Variants in ZNF235 observed in about 807,000 individuals in gnomAD.
The protein encoded by ZNF235 is zfp-93.
A neutral mutation model predicts 29.4 loss-of-function variants in ZNF235; 25 were observed. That is an observed-to-expected ratio of 0.85 (90% CI 0.62 to 1.19). ZNF235 has a LOEUF of 1.19. ZNF235 is among the 50% of genes most tolerant of loss of function. ZNF235 has a pLI of 0.00. For missense variants in ZNF235, 788 were observed against 885.0 expected (o/e 0.89, Z 1.39); for synonymous variants, 300 against 295.3 (o/e 1.02, Z -0.16).
Position 44,303,399 on chromosome 19 carries a change from G to A in ZNF235, c.6C>T (p.Thr2=). M[T]KFQEAVTFKD... is the part of the protein sequence containing the mutation. ...GGCAAACCAAACTTACCTGGAACTT[G>A]GTCATTTTTCCCCTCCTCCTTCTGG... Residue 2 remains threonine (T), a synonymous_variant, in exon 2 of 5, where the codon ACC becomes ACT. Coordinates refer to ENST00000291182, the MANE Select transcript of ZNF235 (RefSeq NM_004234.4). The A allele has an allele frequency of 1.2e-6, 2 of 1,611,304 alleles. No individual in the cohort carries two copies. Among genetic ancestry groups the A allele is most frequent in the Non-Finnish European group, 1.7e-6 (2 of 1,178,406 alleles).
In ZNF235 at chr19:44,288,008, C is replaced by T. The variant is rs1434848039; in HGVS notation, c.1427G>A (p.Ser476Asn). The change falls in exon 5 of 5, where the codon AGT becomes AAT. Residue 476 changes from serine to asparagine, a missense_variant. By Grantham distance (46) the Ser-to-Asn change is conservative (BLOSUM62 1). Coordinates refer to ENST00000291182, the MANE Select transcript of ZNF235 (RefSeq NM_004234.4). Reference sequence around the variant, plus strand: ...TTCTCCTGTGTGGACTCGTTGATGACTATGAAGATTAAAGCTCAAACTAAA... The same window carrying T: ...TTCTCCTGTGTGGACTCGTTGATGATTATGAAGATTAAAGCTCAAACTAAA... The part of the protein sequence containing the change: ...KCFSLSFNLH[S>N]HQRVHTGEKP... 1 of 1,613,104 alleles carries T rather than the reference C, an allele frequency of 6.2e-7. No homozygotes were observed. Among genetic ancestry groups the T allele is most frequent in the African/African-American group, 1.3e-5 (1 of 74,592 alleles).
At chr19:44,293,228 AGC>A (rs1975608503) in intron 4 of ZNF235, among the ~76,000 whole-genome samples, 1 of 152,162 alleles carries the variant, frequency 6.6e-6, no homozygotes, top group Non-Finnish European at 1.5e-5. Context: ...CTGAAGGTAA[AGC>A]GGTAGAAAAA....
intron 1 of ZNF235, among the ~76,000 whole-genome samples, chr19:44,304,254 C>G (rs983489019): frequency 6.6e-6 from 1 of 152,176 alleles, no homozygotes; most frequent in Non-Finnish European, 1.5e-5. Context: ...GTTAACCACA[C>G]GGGATTATTG....
chr19:44,294,450 C>T (rs1975626567), intron 4 of ZNF235, among the ~76,000 whole-genome samples: 2 of 151,900 alleles, frequency 1.3e-5, no homozygotes, highest in South Asian at 4.2e-4. Flanking sequence ...AACAAAAAAG[C>T]CCAGGACCAG....
chr19:44,288,615 C>CA lies in ZNF235; in HGVS notation c.819dup (p.Asp274Ter). On this transcript the variant is annotated frameshift_variant, in exon 5 of 5. Coordinates refer to ENST00000291182, the MANE Select transcript of ZNF235 (RefSeq NM_004234.4). LOFTEE classifies it low-confidence loss of function (END_TRUNC). ...TTATGAAGTTCAAGACTGGAGCTATCATTGAAGGCTTCTTCACATTCATTA... is the reference window on the plus strand; with the variant it reads ...TTATGAAGTTCAAGACTGGAGCTATCAATTGAAGGCTTCTTCACATTCATTA... The CA allele has an allele frequency of 3.1e-6, 5 of 1,614,030 alleles. No homozygotes were observed. Among genetic ancestry groups the CA allele is most frequent in the Non-Finnish European group, 4.2e-6 (5 of 1,179,966 alleles).
intron 4 of ZNF235, chr19:44,297,389 C>T (rs528686923): frequency 1.3e-5 from 2 of 154,838 alleles, no homozygotes; most frequent in South Asian, 1.8e-4. Context: ...GAGGACCCTC[C>T]CCAGTGGCTC....
chr19:44,300,082 C>A lies in ZNF235; in HGVS notation c.16-350G>T, dbSNP rs570339844. The stretch of plus-strand genomic sequence containing the variant: ...CTCTGGCACAAGTACGCAGTTCACT[C>A]TCTGGGTTCTCAGGAACATGCTGTC... On this transcript the variant is annotated intron_variant, in intron 2 of 4. Coordinates refer to ENST00000291182, the MANE Select transcript of ZNF235 (RefSeq NM_004234.4). 2.6e-5 allele frequency among the ~76,000 whole-genome samples: 4 copies of A among 152,330 alleles called. No homozygotes were observed. The South Asian group carries it at 8.3e-4, about 32-fold the overall frequency.
Position 44,288,935 on chromosome 19 carries a change from C to T in ZNF235, c.500G>A (p.Ser167Asn), listed in dbSNP as rs777652399. 12 of 1,614,030 alleles carry T rather than the reference C, an allele frequency of 7.4e-6. No homozygotes were observed. Among genetic ancestry groups the T allele is most frequent in the Non-Finnish European group, 9.3e-6 (11 of 1,179,984 alleles). Residue 167 changes from serine (S) to asparagine (N), a missense_variant, in exon 5 of 5, where the codon AGT (serine) becomes AAT (asparagine). Ser to Asn is a conservative substitution (Grantham distance 46). Transcript: ENST00000291182. ...CLVNHIGDHS[S>N]IIENQEFPTG... Reference sequence around the variant, plus strand: ...TGGAAATTCTTGATTTTCAATGATACTGGAATGATCCCCTATGTGATTCAC... The same window carrying T: ...TGGAAATTCTTGATTTTCAATGATATTGGAATGATCCCCTATGTGATTCAC...
chr19:44,293,988 T>C (rs1021164121), intron 4 of ZNF235, among the ~76,000 whole-genome samples: 6 of 150,138 alleles, frequency 4.0e-5, no homozygotes, highest in African/African-American at 1.5e-4. Flanking sequence ...AACCTGTGTC[T>C]CACCTCCAGG....
In ZNF235 at chr19:44,287,085, G is replaced by A; in HGVS notation, c.*133C>T. 5.5e-6 allele frequency: 5 copies of A among 915,136 alleles called. No individual in the cohort carries two copies. Among genetic ancestry groups the A allele is most frequent in the Non-Finnish European group, 8.0e-6 (5 of 626,894 alleles). 56.7% of individuals were successfully genotyped at this position (915,136 alleles called of 1,614,324 possible). A position where few individuals can be genotyped will look rare whatever the true frequency, so the allele number is the denominator to read the frequency against. Reference sequence around the variant, plus strand: ...TAACCAAGTCTAAAACACAGCATTTGAGAGACTTCTTTCCTGTCAAGATTC... The same window carrying A: ...TAACCAAGTCTAAAACACAGCATTTAAGAGACTTCTTTCCTGTCAAGATTC... On this transcript the variant is annotated 3_prime_UTR_variant, in exon 5 of 5. Transcript: ENST00000291182.
intron 4 of ZNF235, among the ~76,000 whole-genome samples, chr19:44,296,739 C>T (rs1213898102): frequency 6.6e-6 from 1 of 151,972 alleles, no homozygotes; most frequent in Admixed American, 6.6e-5. Context: ...CTAGGATACA[C>T]CATATGTTAA....
In ZNF235 at chr19:44,299,510, G is replaced by A. The variant is rs537906295; in HGVS notation, c.142+96C>T. Reference sequence around the variant, plus strand: ...GCCACTAAACATCCCAAAATACACAGGATAGCCTGATACAACACAGAATTA... The same window carrying A: ...GCCACTAAACATCCCAAAATACACAAGATAGCCTGATACAACACAGAATTA... On this transcript the variant is annotated intron_variant, in intron 3 of 4. Coordinates refer to ENST00000291182, the MANE Select transcript of ZNF235 (RefSeq NM_004234.4). 4.0e-6 allele frequency: 6 copies of A among 1,516,324 alleles called. No individual in the cohort carries two copies. In the African/African-American group the frequency reaches 6.9e-5, roughly 17 times the overall value. 93.9% of individuals were successfully genotyped at this position (1,516,324 alleles called of 1,614,324 possible).
At chr19:44,303,223 C>T (rs1413485312) in intron 2 of ZNF235, among the ~76,000 whole-genome samples, 167 bp downstream of exon 2, 4 of 148,062 alleles carry the variant, frequency 2.7e-5, no homozygotes, top group Non-Finnish European at 5.9e-5. Flanking sequence ...ATATATCTCT[C>T]TGTTAATTTT....
chr19:44,299,652 C>T lies in ZNF235; in HGVS notation c.96G>A (p.Leu32=), dbSNP rs1446061001. 3.7e-6 allele frequency: 6 copies of T among 1,614,164 alleles called. 1 individual carries two copies. In the South Asian group the frequency reaches 5.5e-5, roughly 15 times the overall value. The change falls in exon 3 of 5, where the codon CTG becomes CTA. Residue 32 remains leucine, a synonymous_variant. Transcript: ENST00000291182. ...AGTTCTCCAGCATCACATCTCGGTA[C>T]AGCTTCCTCTGGGCAGAGTCCAGCA... ...LGLLDSAQRK[L]YRDVMLENFR... is the part of the protein sequence containing the mutation.
intron 1 of ZNF235, among the ~76,000 whole-genome samples, chr19:44,303,970 C>G (rs944518270): frequency 6.6e-6 from 1 of 152,192 alleles, no homozygotes; most frequent in Non-Finnish European, 1.5e-5. Flanking sequence ...GAAAATGAAT[C>G]TTTTAAGAAA....
intron 4 of ZNF235, among the ~76,000 whole-genome samples, chr19:44,294,811 C>G (rs1410548461): frequency 6.6e-6 from 1 of 151,868 alleles, no homozygotes; most frequent in African/African-American, 2.4e-5. Context: ...TGTGATTCAG[C>G]CTATAAACAG....
In ZNF235 at chr19:44,287,488, G is replaced by A. The variant is rs1369406353; in HGVS notation, c.1947C>T (p.His649=). The A allele has an allele frequency of 1.9e-6, 3 of 1,614,120 alleles. No individual in the cohort carries two copies. The South Asian group carries it at 3.3e-5, about 18-fold the overall frequency. Residue 649 remains histidine, a synonymous_variant, in exon 5 of 5, where the codon CAC becomes CAT. Transcript: ENST00000291182. ...CACATTTAAATGGTTTCTCTCCAGT[G>A]TGAATTATCTGATGGACTTGAAGAT... ...RSNLQVHQII[H]TGEKPFKCEE... is the part of the protein sequence containing the mutation.
At chr19:44,302,713 C>T (rs1466992993) in intron 2 of ZNF235, among the ~76,000 whole-genome samples, 3 of 149,128 alleles carry the variant, frequency 2.0e-5, no homozygotes, top group African/African-American at 4.9e-5. Flanking sequence ...TGCACTCCAG[C>T]CTGGGAAACA....
In ZNF235 at chr19:44,299,699, A is replaced by G. The variant is rs1975707213; in HGVS notation, c.49T>C (p.Phe17Leu). ...AGCAGCCCCAGCTCCTCCTCAGTGA[A>G]GGCCACAGCCACATCCTTGAATGTC... ...AVTFKDVAVA[F>L]TEEELGLLDS... The change falls in exon 3 of 5, where the codon TTC becomes CTC. Residue 17 changes from phenylalanine (F) to leucine (L), a missense_variant. Coordinates refer to ENST00000291182, the MANE Select transcript of ZNF235 (RefSeq NM_004234.4). 1 of 1,614,102 alleles carries G rather than the reference A, an allele frequency of 6.2e-7. No individual in the cohort carries two copies. Among genetic ancestry groups the G allele is most frequent in the African/African-American group, 1.3e-5 (1 of 75,044 alleles).
Sources: allele counts gnomAD v4.1 joint callset (sites outside exome capture counted in the v4.1 genomes callset), GRCh38; gene constraint gnomAD v4.1.1; transcripts MANE v1.5; gene names NCBI Gene and HGNC (gene_info 2026-07-23, HGNC 2026-07-21).